Variants in NR2C1 observed in about 807,000 individuals in gnomAD.
The protein encoded by NR2C1 is TR2 nuclear hormone receptor.
NR2C1 carries 33 observed loss-of-function variants against 74.8 expected under a neutral mutation model. The observed-to-expected ratio is 0.44, with a 90% CI of 0.33 to 0.59. The LOEUF (loss-of-function observed/expected upper bound fraction) is 0.59, where lower values mean the gene tolerates loss of function less well. Ranked by LOEUF, NR2C1 falls within the 20% of genes least tolerant of loss-of-function variation. NR2C1 has a pLI of 0.02. For synonymous variants in NR2C1, 225 were observed against 240.6 expected (o/e 0.94, Z 0.60); for missense variants, 568 against 715.6 (o/e 0.79, Z 2.35).
intron 11 of NR2C1, chr12:95,030,948 G>C (rs1021508650): frequency 8.9e-7 from 1 of 1,129,260 alleles, no homozygotes; most frequent in African/African-American, 1.5e-5. Context: ...AATACACTCT[G>C]ATGAATTGAT....
intron 7 of NR2C1, among the ~76,000 whole-genome samples, chr12:95,056,200 A>G (rs572397671): frequency 1.3e-5 from 2 of 152,052 alleles, no homozygotes; most frequent in African/African-American, 4.8e-5. Flanking sequence ...TGAGAGGACG[A>G]GGCTGCAGCA....
intron 10 of NR2C1, among the ~76,000 whole-genome samples, chr12:95,040,011 C>CT (rs764664377): frequency 0.018 from 2,556 of 143,866 alleles, 75 homozygotes; most frequent in African/African-American, 0.059. Flanking sequence ...TTTACATTTT[C>CT]TTTTTTTTTT....
At chr12:95,049,314 G>T in intron 8 of NR2C1, 81 bp from the exon 9 acceptor site, 3 of 1,431,202 alleles carry the variant, frequency 2.1e-6, no homozygotes, top group Middle Eastern at 1.8e-4. Flanking sequence ...CTGGAATTAA[G>T]ATTTAAGCCT....
intron 2 of NR2C1, 27 bp from the exon 3 acceptor site, chr12:95,062,765 T>A (rs186088195): frequency 3.9e-6 from 6 of 1,543,416 alleles, no homozygotes; most frequent in Non-Finnish European, 5.4e-6. Context: ...AAATAATCAA[T>A]GAAACTCAAT....
chr12:95,072,371 T>C (rs1876789795), intron 1 of NR2C1, among the ~76,000 whole-genome samples: 1 of 149,876 alleles, frequency 6.7e-6, no homozygotes, highest in African/African-American at 2.5e-5. Context: ...GGAGAATCGC[T>C]TGAACCTGGA....
chr12:95,030,721 T>C, intron 11 of NR2C1: 1 of 1,603,006 alleles, frequency 6.2e-7, no homozygotes, highest in Non-Finnish European at 8.5e-7. Context: ...TAGTCCCCAA[T>C]TTATAAATTA....
intron 9 of NR2C1, among the ~76,000 whole-genome samples, chr12:95,048,274 A>G (rs1872553867): frequency 6.6e-6 from 1 of 152,204 alleles, no homozygotes; most frequent in Non-Finnish European, 1.5e-5. Flanking sequence ...AAGATGATAC[A>G]TAACAAATGG....
At chr12:95,065,821 G>T (rs1592794359) in intron 2 of NR2C1, among the ~76,000 whole-genome samples, 1 of 151,700 alleles carries the variant, frequency 6.6e-6, no homozygotes, top group East Asian at 1.9e-4. Flanking sequence ...GTGGTGGCAG[G>T]CACCTGTAAT....
At chr12:95,031,232 C>A in intron 11 of NR2C1, 117 bp downstream of exon 11, 1 of 800,744 alleles carries the variant, frequency 1.2e-6, no homozygotes, top group South Asian at 3.5e-5. Flanking sequence ...GTAAGAAGAG[C>A]ATTGGTACCT....
chr12:95,028,532 T>C lies in NR2C1; in HGVS notation c.1394-8A>G. The C allele has an allele frequency of 6.8e-7, 1 of 1,471,508 alleles. No individual in the cohort carries two copies. Among genetic ancestry groups the C allele is most frequent in the Non-Finnish European group, 9.4e-7 (1 of 1,060,102 alleles). The allele number at this position is 1,471,508 out of a possible 1,614,324, so 91.2% of individuals were successfully genotyped here. On this transcript the variant is annotated splice_polypyrimidine_tract_variant and splice_region_variant and intron_variant, in intron 11 of 13. Transcript: ENST00000333003. ...TTTCTGTTGACATTTTATCTTTAAT[T>C]AAAAATAAACAAATGCTTCTAGTGT...
At chr12:95,038,278 TAGA>T (rs1251651275) in intron 10 of NR2C1, among the ~76,000 whole-genome samples, 1 of 152,212 alleles carries the variant, frequency 6.6e-6, no homozygotes, top group Non-Finnish European at 1.5e-5. Context: ...CTCAATTTAA[TAGA>T]AGTACTTAAG....
chr12:95,035,190 T>C (rs1207430008), intron 10 of NR2C1, among the ~76,000 whole-genome samples: 2 of 152,214 alleles, frequency 1.3e-5, no homozygotes, highest in Admixed American at 1.3e-4. Context: ...TGTGTAAATA[T>C]GTGTATGTAT....
chr12:95,044,719 A>C (rs1335975508), intron 9 of NR2C1, among the ~76,000 whole-genome samples: 2 of 152,012 alleles, frequency 1.3e-5, no homozygotes, highest in Admixed American at 1.3e-4. Context: ...TCTGTATTTA[A>C]AAAAATACAA....
chr12:95,053,893 C>A (rs1244360024), intron 7 of NR2C1, among the ~76,000 whole-genome samples: 1 of 152,030 alleles, frequency 6.6e-6, no homozygotes, highest in Non-Finnish European at 1.5e-5. Context: ...CTGTGTTAGC[C>A]AGGACAGTCT....
At chr12:95,032,967 CA>C (rs34376438) in intron 10 of NR2C1, among the ~76,000 whole-genome samples, 1 of 151,048 alleles carries the variant, frequency 6.6e-6, no homozygotes, top group South Asian at 2.1e-4. Flanking sequence ...GACCCTGTCT[CA>C]AAAAAAAGAG....
intron 9 of NR2C1, among the ~76,000 whole-genome samples, chr12:95,042,616 TA>T (rs1209808074): frequency 5.9e-5 from 9 of 152,108 alleles, no homozygotes; most frequent in Non-Finnish European, 1.5e-5. Context: ...CATAAAAATG[TA>T]AAAAACAACC....
At chr12:95,054,800 C>A (rs1435643229) in intron 7 of NR2C1, among the ~76,000 whole-genome samples, 3 of 151,768 alleles carry the variant, frequency 2.0e-5, no homozygotes, top group Non-Finnish European at 4.4e-5. Context: ...GTGTTTCTCG[C>A]AGAGGGGGAT....
intron 9 of NR2C1, among the ~76,000 whole-genome samples, chr12:95,042,244 T>TG (rs1565848376): frequency 6.9e-6 from 1 of 144,872 alleles, no homozygotes; most frequent in Non-Finnish European, 1.5e-5. Flanking sequence ...TTTTTTGAGA[T>TG]GGGGTCTCGC....
chr12:95,055,996 G>GA (rs1467376993), intron 7 of NR2C1, among the ~76,000 whole-genome samples: 1 of 151,400 alleles, frequency 6.6e-6, no homozygotes, highest in Non-Finnish European at 1.5e-5. Flanking sequence ...GCTAGGTAGG[G>GA]AGGCTCATGC....
Sources: allele counts gnomAD v4.1 joint callset (sites outside exome capture counted in the v4.1 genomes callset), GRCh38; gene constraint gnomAD v4.1.1; transcripts MANE v1.5; gene names NCBI Gene and HGNC (gene_info 2026-07-23, HGNC 2026-07-21).